Variants in CTNNA2 observed in about 807,000 individuals in gnomAD.
CTNNA2 encodes the protein catenin alpha 2.
CTNNA2 carries 42 observed loss-of-function variants against 101.0 expected under a neutral mutation model. That is an observed-to-expected ratio of 0.42 (90% CI 0.32 to 0.54). The LOEUF (loss-of-function observed/expected upper bound fraction) is 0.54, where lower values mean the gene tolerates loss of function less well. Ranked by LOEUF, CTNNA2 falls within the 20% of genes least tolerant of loss-of-function variation. The probability of loss-of-function intolerance (pLI) is 0.14; values close to 1 mark genes in which losing one functional copy is unlikely to be tolerated. For synonymous variants in CTNNA2, 450 were observed against 456.4 expected, an observed-to-expected ratio of 0.99 and a Z score of 0.18; for missense variants, 871 against 1,223.1, an observed-to-expected ratio of 0.71 and a Z score of 4.29.
At chr2:80,031,388 C>T (rs1368413626) in intron 7 of CTNNA2, among the ~76,000 whole-genome samples, 3 of 152,148 alleles carry the variant, frequency 2.0e-5, no homozygotes, top group Non-Finnish European at 4.4e-5. Context: ...CTGGGGAGGC[C>T]TCCCAAACAT....
intron 2 of CTNNA2, among the ~76,000 whole-genome samples, chr2:79,237,691 A>G (rs1222623196): frequency 6.6e-6 from 1 of 152,204 alleles, no homozygotes; most frequent in Non-Finnish European, 1.5e-5. Context: ...CTTCTACATC[A>G]GTACTTGTTG....
rs376388427 is a variant in CTNNA2, at chr2:79,864,477, GAGTAGTACTA to G, written c.466-5337_466-5328del. 7.5e-3 allele frequency among the ~76,000 whole-genome samples: 1,137 copies of G among 152,280 alleles called. 15 individuals are homozygous for G. The highest frequency in any genetic ancestry group is 0.025 in the African/African-American group (1,031 of 41,554). Reference sequence around the variant, plus strand: ...TATATATAGGTTATGGGGAGCCACTGAGTAGTACTAATAATTTGATTCAGATTAGTGATTT... The same window carrying G: ...TATATATAGGTTATGGGGAGCCACTGATAATTTGATTCAGATTAGTGATTT... On this transcript the variant is annotated intron_variant, in intron 4 of 18. Transcript: ENST00000402739.
At chr2:80,202,359 A>G (rs1438409436) in intron 7 of CTNNA2, among the ~76,000 whole-genome samples, 2 of 152,196 alleles carry the variant, frequency 1.3e-5, no homozygotes, top group Non-Finnish European at 2.9e-5. Flanking sequence ...TTGTAATAAA[A>G]TGTGGTACAG....
At chr2:80,629,472 GAATCTGCATTTTATTCCT>G (rs748387449) in intron 18 of CTNNA2, among the ~76,000 whole-genome samples, 14 of 152,140 alleles carry the variant, frequency 9.2e-5, no homozygotes, top group Non-Finnish European at 1.6e-4. Context: ...AAGGGATCAG[GAATCTGCATTTTATTCCT>G]AAATCTTTCG....
chr2:79,333,511 G>A (rs1477011124), intron 3 of CTNNA2, among the ~76,000 whole-genome samples: 1 of 152,110 alleles, frequency 6.6e-6, no homozygotes, highest in Non-Finnish European at 1.5e-5. Context: ...AACACACAAT[G>A]TATATAAAGC....
At chr2:79,932,482 C>CT (rs1029906838) in intron 7 of CTNNA2, among the ~76,000 whole-genome samples, 302 of 140,410 alleles carry the variant, frequency 2.2e-3, no homozygotes, top group African/African-American at 4.1e-3. Context: ...GTGTGAGATT[C>CT]TTTTTTTTTT....
chr2:80,128,523 T>A (rs1452001697), intron 7 of CTNNA2, among the ~76,000 whole-genome samples: 1 of 152,080 alleles, frequency 6.6e-6, no homozygotes, highest in Non-Finnish European at 1.5e-5. Context: ...CAACGTAAGT[T>A]AAAAGACGGA....
At chr2:79,481,179 A>T (rs1671105721) in intron 4 of CTNNA2, among the ~76,000 whole-genome samples, 1 of 152,206 alleles carries the variant, frequency 6.6e-6, no homozygotes, top group African/African-American at 2.4e-5. Flanking sequence ...AATGTAAATT[A>T]TAATTATGTA....
intron 17 of CTNNA2, among the ~76,000 whole-genome samples, chr2:80,609,959 C>G (rs1170276019): frequency 6.6e-6 from 1 of 151,658 alleles, no homozygotes. Flanking sequence ...ATCACTTGCA[C>G]TGTTGGCTTT....
intron 1 of CTNNA2, among the ~76,000 whole-genome samples, chr2:79,563,190 T>A (rs1275840676): frequency 4.3e-4 from 13 of 30,144 alleles, no homozygotes; most frequent in East Asian, 1.7e-3. Context: ...TATATATATT[T>A]TCCTTCATTC....
chr2:79,546,565 A>G (rs1673743367), intron 1 of CTNNA2, among the ~76,000 whole-genome samples: 2 of 152,228 alleles, frequency 1.3e-5, no homozygotes, highest in South Asian at 4.2e-4. Flanking sequence ...ATTCTTTCCA[A>G]TATGCAAATA....
intron 1 of CTNNA2, among the ~76,000 whole-genome samples, chr2:79,650,172 TCG>T (rs1491176541): frequency 5.7e-4 from 4 of 6,984 alleles, no homozygotes; most frequent in Non-Finnish European, 1.9e-3. Flanking sequence ...GTATACTTTT[TCG>T]GGGGGGGGGG....
chr2:80,616,268 G>A (rs1698844381), intron 17 of CTNNA2, among the ~76,000 whole-genome samples: 1 of 151,640 alleles, frequency 6.6e-6, no homozygotes, highest in Admixed American at 6.6e-5. Flanking sequence ...CTGTATGTGA[G>A]ACGCTACCAT....
intron 18 of CTNNA2, among the ~76,000 whole-genome samples, chr2:80,620,008 C>T (rs3770362): frequency 0.32 from 48,044 of 151,596 alleles, 9,094 homozygotes; most frequent in East Asian, 0.43. Flanking sequence ...CACTTTTCTC[C>T]ACTTCTTTCC....
chr2:80,046,860 G>A (rs1696564332), intron 7 of CTNNA2, among the ~76,000 whole-genome samples: 1 of 152,216 alleles, frequency 6.6e-6, no homozygotes, highest in African/African-American at 2.4e-5. Flanking sequence ...TAAGGAAGCT[G>A]TAGCTCAAGA....
At chr2:79,874,683 C>G (rs1377272121) in intron 6 of CTNNA2, among the ~76,000 whole-genome samples, 2 of 152,158 alleles carry the variant, frequency 1.3e-5, no homozygotes, top group East Asian at 1.9e-4. Flanking sequence ...TGGCGCATGC[C>G]TGTAATCCCA....
chr2:80,581,710 C>T lies in CTNNA2; in HGVS notation c.1898C>T (p.Pro633Leu), dbSNP rs1558612515. 6.2e-7 allele frequency: 1 copy of T among 1,602,342 alleles called. No homozygotes were observed. Among genetic ancestry groups the T allele is most frequent in the Non-Finnish European group, 8.5e-7 (1 of 1,169,722 alleles). ...CTTATATCTTTTTGTCTTTAGACCC[C>T]AGAAGAACTAGAGGATGATTCTGAC... ...IRKAVLMIRTPEELEDDSDFE... is the reference protein window; with the variant it reads ...IRKAVLMIRTLEELEDDSDFE... The change falls in exon 14 of 19, where the codon CCA becomes CTA. Residue 633 changes from proline to leucine, a missense_variant. By Grantham distance (98) the Pro-to-Leu change is moderately conservative. Coordinates refer to ENST00000402739, the MANE Select transcript of CTNNA2 (RefSeq NM_001282597.3).
At chr2:80,494,018 G>C (rs1687255846) in intron 9 of CTNNA2, among the ~76,000 whole-genome samples, 1 of 152,194 alleles carries the variant, frequency 6.6e-6, no homozygotes. Context: ...GTCTGCGTGA[G>C]AAAGGAGTGT....
chr2:79,516,200 T>C (rs372967366), intron 1 of CTNNA2, among the ~76,000 whole-genome samples: 18 of 152,206 alleles, frequency 1.2e-4, no homozygotes, highest in African/African-American at 2.7e-4. Context: ...GGGCTTGCTT[T>C]AAAGGTTAAA....
Sources: gnomAD v4.1 joint callset for allele counts (sites outside exome capture counted in the v4.1 genomes callset) on GRCh38, gnomAD v4.1.1 for gene constraint, MANE v1.5 for transcripts, NCBI Gene and HGNC (gene_info 2026-07-23, HGNC 2026-07-21) for gene names.